MALRD1: variants seen among roughly 807,000 people sequenced by gnomAD.
The protein encoded by MALRD1 is MAM and LDL receptor class A domain containing 1.
Under a neutral mutation model 242.1 loss-of-function variants are expected in MALRD1, and 247 were observed. The observed-to-expected ratio is 1.02, with a 90% CI of 0.92 to 1.13. The LOEUF is 1.13. Among genes scored for constraint, MALRD1 ranks in the 50% most tolerant of loss-of-function variants. The pLI is 0.00. For missense variants in MALRD1, 2,989 were observed against 2,533.1 expected, an observed-to-expected ratio of 1.18 and a Z score of -3.86; for synonymous variants, 995 against 866.6, an observed-to-expected ratio of 1.15 and a Z score of -2.60.
intron 31 of MALRD1, among the ~76,000 whole-genome samples, chr10:19,502,201 T>C (rs1838008746): frequency 6.6e-6 from 1 of 152,054 alleles, no homozygotes; most frequent in Non-Finnish European, 1.5e-5. Flanking sequence ...TATTTACTTT[T>C]TCTTCAATAT....
At chr10:19,253,568 C>A (rs915176243) in intron 18 of MALRD1, among the ~76,000 whole-genome samples, 4 of 151,854 alleles carry the variant, frequency 2.6e-5, no homozygotes, top group African/African-American at 9.7e-5. Context: ...AAAGTGTTGG[C>A]CCTCTGTATA....
intron 32 of MALRD1, among the ~76,000 whole-genome samples, chr10:19,547,576 A>G (rs959911468): frequency 6.6e-6 from 1 of 151,602 alleles, no homozygotes. Flanking sequence ...TACCACTCTC[A>G]TTAACATGAC....
At chr10:19,619,137 G>T (rs1839295565) in intron 36 of MALRD1, among the ~76,000 whole-genome samples, 1 of 152,050 alleles carries the variant, frequency 6.6e-6, no homozygotes, top group African/African-American at 2.4e-5. Flanking sequence ...TTTCTGGACA[G>T]CTCATGTTCT....
At chr10:19,540,273 T>A (rs774551948) in intron 32 of MALRD1, among the ~76,000 whole-genome samples, 2 of 152,124 alleles carry the variant, frequency 1.3e-5, no homozygotes, top group Non-Finnish European at 2.9e-5. Context: ...AATAGGAAGT[T>A]TGGCAGGGAA....
In MALRD1 at chr10:19,102,132, T is replaced by C. The variant is rs151313144; in HGVS notation, c.598-1847T>C. On this transcript the variant is annotated intron_variant, in intron 4 of 39. Coordinates refer to ENST00000454679, the MANE Select transcript of MALRD1 (RefSeq NM_001142308.3). ...GATATATGATATAAATTATATAATA[T>C]ATATTATATAACTATGTATATGATA... Among the ~76,000 whole-genome samples the C allele has an allele frequency of 5.9e-3, 864 of 145,982 alleles. 8 individuals are homozygous for C. Among genetic ancestry groups the C allele is most frequent in the African/African-American group, 0.021 (831 of 40,306 alleles).
intron 12 of MALRD1, among the ~76,000 whole-genome samples, chr10:19,161,550 C>CAAAAAAAAAAAAAAAAAAAAGAAAA: frequency 1.6e-5 from 1 of 60,838 alleles, no homozygotes; most frequent in Admixed American, 2.0e-4. Flanking sequence ...AAAAAAAAAG[C>CAAAAAAAAAAAAAAAAAAAAGAAAA]AAAAAAAAAA....
chr10:19,188,656 C>A (rs1564453762), intron 14 of MALRD1, among the ~76,000 whole-genome samples: 1 of 152,100 alleles, frequency 6.6e-6, no homozygotes, highest in African/African-American at 2.4e-5. Flanking sequence ...ATGTGCAAAT[C>A]TTTATGTTCA....
chr10:19,632,371 C>G (rs1839942566), intron 36 of MALRD1, among the ~76,000 whole-genome samples: 1 of 152,102 alleles, frequency 6.6e-6, no homozygotes. Context: ...AGCCAGCCAA[C>G]CAGGCAACAT....
Position 19,730,731 on chromosome 10 carries a change from G to A in MALRD1, c.6340G>A (p.Ala2114Thr), listed in dbSNP as rs1453245852. ...GAAAACCGAGGGAAGTGGTAACTGT[G>A]CCTTTGTCAATCCAGTTTACGGGAA... is the stretch of plus-strand genomic sequence containing the variant. Reference protein sequence around the residue: ...IRKTEGSGNCAFVNPVYGNWS... With the variant: ...IRKTEGSGNCTFVNPVYGNWS... Residue 2114 changes from alanine (A) to threonine (T), a missense_variant, in exon 39 of 40, where the codon GCC becomes ACC. Physicochemically the swap from Ala to Thr is moderately conservative, Grantham distance 58. Coordinates refer to ENST00000454679, the MANE Select transcript of MALRD1 (RefSeq NM_001142308.3). 2.0e-6 allele frequency: 3 copies of A among 1,536,494 alleles called. No individual in the cohort carries two copies. Among genetic ancestry groups the A allele is most frequent in the African/African-American group, 2.7e-5 (2 of 72,982 alleles).
chr10:19,078,100 C>T (rs924659196), intron 2 of MALRD1, among the ~76,000 whole-genome samples: 4 of 151,628 alleles, frequency 2.6e-5, no homozygotes, highest in Admixed American at 6.6e-5. Context: ...CAGCTATTAT[C>T]ATTAGGATTT....
intron 28 of MALRD1, among the ~76,000 whole-genome samples, chr10:19,398,790 T>C (rs555709382): frequency 2.0e-5 from 3 of 152,360 alleles, no homozygotes; most frequent in East Asian, 3.9e-4. Context: ...GAATTTCTTA[T>C]ATAAAAAAGC....
chr10:19,342,585 C>G (rs1843934882), intron 24 of MALRD1, among the ~76,000 whole-genome samples: 1 of 152,092 alleles, frequency 6.6e-6, no homozygotes, highest in East Asian at 1.9e-4. Flanking sequence ...AAATACTAAT[C>G]CCAACGTGGG....
chr10:19,165,811 G>T lies in MALRD1; in HGVS notation c.1830+1G>T, dbSNP rs144721537. On this transcript the variant is annotated splice_donor_variant, in intron 13 of 39. Coordinates refer to ENST00000454679, the MANE Select transcript of MALRD1 (RefSeq NM_001142308.3). LOFTEE classifies it high-confidence loss of function. Reference sequence around the variant, plus strand: ...GGGAGAATCTACTCTACCTTTTCAGGTAAGCACATACGAAATTAATACAAC... The same window carrying T: ...GGGAGAATCTACTCTACCTTTTCAGTTAAGCACATACGAAATTAATACAAC... The T allele has an allele frequency of 1.6e-5, 20 of 1,231,562 alleles. No homozygotes were observed. The allele number at this position is 1,231,562 out of a possible 1,614,324, so 76.3% of individuals were successfully genotyped here.
At chr10:19,158,413 G>C (rs915210793) in intron 12 of MALRD1, among the ~76,000 whole-genome samples, 2 of 152,176 alleles carry the variant, frequency 1.3e-5, no homozygotes, top group African/African-American at 4.8e-5. Context: ...ATATGAATGA[G>C]AAGGTCAGGA....
chr10:19,635,712 CTG>C (rs1385420822), intron 36 of MALRD1, among the ~76,000 whole-genome samples: 3 of 152,102 alleles, frequency 2.0e-5, no homozygotes, highest in Admixed American at 2.0e-4. Flanking sequence ...AATAAAATAT[CTG>C]AGAATATTTC....
chr10:19,654,104 C>A (rs1841020946), intron 36 of MALRD1, among the ~76,000 whole-genome samples: 1 of 152,150 alleles, frequency 6.6e-6, no homozygotes, highest in African/African-American at 2.4e-5. Flanking sequence ...CCTGTGGGAG[C>A]AGATGAATTT....
intron 18 of MALRD1, among the ~76,000 whole-genome samples, chr10:19,225,548 A>G (rs1386851764): frequency 6.6e-6 from 1 of 152,108 alleles, no homozygotes; most frequent in Non-Finnish European, 1.5e-5. Flanking sequence ...TATTGCTATG[A>G]TTATCATTAG....
intron 28 of MALRD1, among the ~76,000 whole-genome samples, chr10:19,410,157 G>C (rs535261825): frequency 6.6e-6 from 1 of 152,190 alleles, no homozygotes; most frequent in South Asian, 2.1e-4. Flanking sequence ...TTTTTTGTCA[G>C]TTTTACCCTC....
In MALRD1 at chr10:19,613,242, A is replaced by G. The variant is rs979859818; in HGVS notation, c.6071-2615A>G. On this transcript the variant is annotated intron_variant, in intron 35 of 39. Coordinates refer to ENST00000454679, the MANE Select transcript of MALRD1 (RefSeq NM_001142308.3). ...AAAAAAATCTGAAGAAAGACCACAA[A>G]TCTTTATCTCTACTTCATATTAAAT... 1.1e-4 allele frequency among the ~76,000 whole-genome samples: 17 copies of G among 152,088 alleles called. No homozygotes were observed. In the East Asian group the frequency reaches 2.5e-3, roughly 23 times the overall value.
Sources: allele counts gnomAD v4.1 joint callset (sites outside exome capture counted in the v4.1 genomes callset), GRCh38; gene constraint gnomAD v4.1.1; transcripts MANE v1.5; gene names NCBI Gene and HGNC (gene_info 2026-07-23, HGNC 2026-07-21).